SPAG16: variants seen among roughly 807,000 people sequenced by gnomAD.
The protein encoded by SPAG16 is sperm associated antigen 16, also known as sperm-associated antigen 16 protein.
Under a neutral mutation model 80.4 loss-of-function variants are expected in SPAG16, and 86 were observed. That is an observed-to-expected ratio of 1.07 (90% CI 0.90 to 1.28). The LOEUF (loss-of-function observed/expected upper bound fraction) is 1.28, where lower values mean the gene tolerates loss of function less well. Among genes scored for constraint, SPAG16 ranks in the 50% most tolerant of loss-of-function variants. The probability of loss-of-function intolerance (pLI) is 0.00; values close to 1 mark genes in which losing one functional copy is unlikely to be tolerated. For missense variants in SPAG16, 870 were observed against 765.3 expected (o/e 1.14, Z -1.61); for synonymous variants, 294 against 265.9 (o/e 1.11, Z -1.03).
intron 13 of SPAG16, among the ~76,000 whole-genome samples, chr2:214,041,937 A>T (rs1367631653): frequency 2.1e-5 from 3 of 144,458 alleles, no homozygotes; most frequent in Non-Finnish European, 3.0e-5. Context: ...GTATATATTT[A>T]TATATATATA....
intron 10 of SPAG16, among the ~76,000 whole-genome samples, chr2:213,750,847 C>T (rs1377512884): frequency 1.3e-5 from 2 of 152,190 alleles, no homozygotes; most frequent in Admixed American, 1.3e-4. Context: ...CAGAATAATG[C>T]TTCCCTTAAT....
intron 13 of SPAG16, among the ~76,000 whole-genome samples, chr2:214,075,149 C>A (rs1313569372): frequency 6.8e-6 from 1 of 148,122 alleles, no homozygotes; most frequent in East Asian, 2.0e-4. Flanking sequence ...TTTTTTTTTT[C>A]AGGTATTTTC....
intron 12 of SPAG16, among the ~76,000 whole-genome samples, chr2:214,004,889 A>G (rs1419012961): frequency 1.3e-5 from 2 of 152,166 alleles, no homozygotes; most frequent in African/African-American, 4.8e-5. Flanking sequence ...TTGTGATTAC[A>G]AATATATTTT....
intron 11 of SPAG16, among the ~76,000 whole-genome samples, chr2:213,908,978 T>C (rs942677697): frequency 6.0e-5 from 9 of 149,984 alleles, no homozygotes; most frequent in Admixed American, 1.3e-4. Flanking sequence ...CCTATGTCCA[T>C]GTGTTCTCAT....
intron 12 of SPAG16, among the ~76,000 whole-genome samples, chr2:214,000,992 C>T (rs893497890): frequency 6.6e-6 from 1 of 152,150 alleles, no homozygotes; most frequent in African/African-American, 2.4e-5. Flanking sequence ...ATTAACTTTT[C>T]CTGTTCCCAA....
intron 15 of SPAG16, among the ~76,000 whole-genome samples, chr2:214,346,347 T>C (rs1698050738): frequency 6.6e-6 from 1 of 152,234 alleles, no homozygotes; most frequent in Non-Finnish European, 1.5e-5. Context: ...CTGAGAACTT[T>C]TTCAAGTTAA....
chr2:214,336,902 C>T (rs1226821222), intron 15 of SPAG16, among the ~76,000 whole-genome samples: 1 of 39,254 alleles, frequency 2.5e-5, no homozygotes, highest in African/African-American at 3.8e-5. Flanking sequence ...AATTTTCTAA[C>T]AGTATAAAGA....
At chr2:213,706,204 C>T (rs891681482) in intron 10 of SPAG16, among the ~76,000 whole-genome samples, 1 of 152,136 alleles carries the variant, frequency 6.6e-6, no homozygotes, top group Non-Finnish European at 1.5e-5. Context: ...CCAGGGCTAT[C>T]TGTTAGAGTC....
intron 10 of SPAG16, among the ~76,000 whole-genome samples, chr2:213,678,316 T>C (rs1023934165): frequency 6.7e-6 from 1 of 150,356 alleles, no homozygotes; most frequent in African/African-American, 2.5e-5. Flanking sequence ...TTCAAAAAAT[T>C]AACGAATCCA....
intron 7 of SPAG16, among the ~76,000 whole-genome samples, chr2:213,351,561 T>C (rs1450199887): frequency 6.6e-6 from 1 of 152,204 alleles, no homozygotes; most frequent in Non-Finnish European, 1.5e-5. Flanking sequence ...TATATGCCAC[T>C]TTAAAACCAT....
At chr2:213,488,781 A>G (rs1475547546) in intron 9 of SPAG16, among the ~76,000 whole-genome samples, 1 of 152,168 alleles carries the variant, frequency 6.6e-6, no homozygotes, top group Non-Finnish European at 1.5e-5. Flanking sequence ...TGTTAATTAG[A>G]AATATATTAT....
intron 15 of SPAG16, among the ~76,000 whole-genome samples, chr2:214,355,539 A>T (rs1698724833): frequency 7.8e-6 from 1 of 127,528 alleles, no homozygotes; most frequent in Non-Finnish European, 1.7e-5. Flanking sequence ...GCTGGAGAGG[A>T]TGTGGAGAAA....
At chr2:213,766,146 A>G (rs2068927395) in intron 10 of SPAG16, among the ~76,000 whole-genome samples, 1 of 152,226 alleles carries the variant, frequency 6.6e-6, no homozygotes. Context: ...CTTTTATAAA[A>G]TGCCATGTAT....
intron 9 of SPAG16, among the ~76,000 whole-genome samples, chr2:213,382,499 T>G (rs2067223483): frequency 6.6e-6 from 1 of 152,230 alleles, no homozygotes; most frequent in South Asian, 2.1e-4. Flanking sequence ...ATCTTCATTT[T>G]CTACAGATAG....
chr2:213,829,477 T>C (rs955396675), intron 10 of SPAG16, among the ~76,000 whole-genome samples: 6 of 152,118 alleles, frequency 3.9e-5, no homozygotes, highest in African/African-American at 1.2e-4. Context: ...CAGAGCCCAC[T>C]TGGTGCCCTT....
At chr2:213,387,524 G>T (rs964651574) in intron 9 of SPAG16, among the ~76,000 whole-genome samples, 1 of 29,074 alleles carries the variant, frequency 3.4e-5, no homozygotes, top group Non-Finnish European at 5.7e-5. Flanking sequence ...GCGGGATCTC[G>T]GCTCACTGCA....
intron 15 of SPAG16, among the ~76,000 whole-genome samples, chr2:214,352,152 AG>A (rs1434037516): frequency 5.9e-5 from 9 of 152,158 alleles, no homozygotes; most frequent in African/African-American, 2.2e-4. Context: ...CACCTCCCAA[AG>A]GTCCCACCTC....
intron 12 of SPAG16, among the ~76,000 whole-genome samples, chr2:213,980,698 G>A (rs868414967): frequency 0.011 from 802 of 75,418 alleles, 14 homozygotes; most frequent in African/African-American, 0.061. Context: ...TAGAATATAT[G>A]TGTGTGTGTG....
intron 10 of SPAG16, among the ~76,000 whole-genome samples, chr2:213,588,058 A>T (rs61361592): frequency 0.012 from 1,787 of 152,330 alleles, 37 homozygotes; most frequent in African/African-American, 0.039. Flanking sequence ...TGTATTTTTC[A>T]TAATGGTTTG....
Sources: gnomAD v4.1 joint callset for allele counts (sites outside exome capture counted in the v4.1 genomes callset) on GRCh38, gnomAD v4.1.1 for gene constraint, MANE v1.5 for transcripts, NCBI Gene and HGNC (gene_info 2026-07-23, HGNC 2026-07-21) for gene names.